ABCA13: variants seen among roughly 807,000 people sequenced by gnomAD.
The protein encoded by ABCA13 is ATP binding cassette subfamily A member 13.
A neutral mutation model predicts 478.7 loss-of-function variants in ABCA13; 476 were observed. The ratio of observed to expected loss-of-function variants is 0.99; its 90% CI spans 0.92 to 1.07. ABCA13 has a LOEUF of 1.07. Among genes scored for constraint, ABCA13 ranks in the 50% least tolerant of loss-of-function variants. The pLI, the probability that ABCA13 is intolerant of heterozygous loss-of-function variation, is 0.00. For synonymous variants in ABCA13, 2,252 were observed against 2,158.9 expected, an observed-to-expected ratio of 1.04 and a Z score of -1.20; for missense variants, 6,060 against 5,910.6, an observed-to-expected ratio of 1.03 and a Z score of -0.83.
intron 29 of ABCA13, among the ~76,000 whole-genome samples, chr7:48,345,490 T>C (rs566404796): frequency 6.8e-6 from 1 of 147,494 alleles, no homozygotes; most frequent in East Asian, 2.0e-4. Flanking sequence ...CCTAGGCTAA[T>C]GTGTGGTTTT....
intron 20 of ABCA13, among the ~76,000 whole-genome samples, chr7:48,291,781 C>A (rs1798571486): frequency 6.6e-6 from 1 of 152,178 alleles, no homozygotes. Context: ...ACAGCAGACA[C>A]CACTCCACCT....
intron 29 of ABCA13, among the ~76,000 whole-genome samples, chr7:48,345,659 T>C (rs1807962603): frequency 6.6e-6 from 1 of 152,112 alleles, no homozygotes; most frequent in African/African-American, 2.4e-5. Flanking sequence ...GGTCAAAAAG[T>C]CAAAAAATTA....
intron 55 of ABCA13, among the ~76,000 whole-genome samples, chr7:48,578,390 T>C (rs959434374): frequency 6.6e-5 from 10 of 152,164 alleles, no homozygotes; most frequent in African/African-American, 1.9e-4. Context: ...GGATACAACG[T>C]TAATATAGAA....
rs71552482 is a variant in ABCA13, at chr7:48,465,524, C to CTT, written c.12816-1418_12816-1417dup. 4.5e-3 allele frequency among the ~76,000 whole-genome samples: 600 copies of CTT among 134,452 alleles called. 3 individuals are homozygous for CTT. The highest frequency in any genetic ancestry group is 0.015 in the African/African-American group (534 of 36,706). 88.2% of individuals were successfully genotyped at this position (134,452 alleles called of 152,430 possible). A position where few individuals can be genotyped will look rare whatever the true frequency, so the allele number is the denominator to read the frequency against. The stretch of plus-strand genomic sequence containing the variant: ...CTGTGGTTGCTTACATTTCTTCTTT[C>CTT]TTTTTTTTTTTTTTTGCATTTTCTG... On this transcript the variant is annotated intron_variant, in intron 43 of 61. Coordinates refer to ENST00000435803, the MANE Select transcript of ABCA13 (RefSeq NM_152701.5).
At position 48,374,334 on chromosome 7, in the gene ABCA13, A is replaced by G. The variant is rs1365222376; in HGVS notation, c.11134-13A>G. 3 of 1,603,956 alleles carry G rather than the reference A, an allele frequency of 1.9e-6. No homozygotes were observed. Among genetic ancestry groups the G allele is most frequent in the Non-Finnish European group, 2.6e-6 (3 of 1,175,982 alleles). Reference sequence around the variant, plus strand: ...CACTAACGTGCAGTTTTTCTCCATCAATCTGTGGGCAGTGCCTTCTTTCGA... The same window carrying G: ...CACTAACGTGCAGTTTTTCTCCATCGATCTGTGGGCAGTGCCTTCTTTCGA... On this transcript the variant is annotated splice_polypyrimidine_tract_variant and intron_variant, in intron 33 of 61. Transcript: ENST00000435803.
At chr7:48,311,570 C>T (rs537328374) in intron 24 of ABCA13, among the ~76,000 whole-genome samples, 3 of 152,218 alleles carry the variant, frequency 2.0e-5, no homozygotes, top group African/African-American at 7.2e-5. Flanking sequence ...CTTGTAGAGG[C>T]CCACATAATT....
intron 23 of ABCA13, among the ~76,000 whole-genome samples, chr7:48,306,890 G>C (rs115738337): frequency 5.1e-4 from 77 of 152,322 alleles, no homozygotes; most frequent in African/African-American, 1.7e-3. Context: ...AGTAGACTTT[G>C]AGTAAAGAAG....
chr7:48,350,114 G>A (rs890212728), intron 29 of ABCA13, among the ~76,000 whole-genome samples: 11 of 152,332 alleles, frequency 7.2e-5, no homozygotes, highest in African/African-American at 2.6e-4. Flanking sequence ...TGTTTCGAAT[G>A]CACAGATCCA....
intron 34 of ABCA13, among the ~76,000 whole-genome samples, chr7:48,374,968 G>C (rs931593308): frequency 6.6e-5 from 10 of 152,178 alleles, no homozygotes; most frequent in African/African-American, 2.2e-4. Context: ...TATGTGAACT[G>C]TGCATGCAAA....
chr7:48,214,756 A>T (rs756549681), intron 3 of ABCA13, among the ~76,000 whole-genome samples: 1 of 152,140 alleles, frequency 6.6e-6, no homozygotes, highest in Non-Finnish European at 1.5e-5. Flanking sequence ...GAGAATTAGG[A>T]CCTTTCTCTG....
intron 55 of ABCA13, among the ~76,000 whole-genome samples, chr7:48,576,626 T>A (rs1001526006): frequency 6.6e-5 from 10 of 152,036 alleles, no homozygotes; most frequent in African/African-American, 2.2e-4. Context: ...CTCAACCAAC[T>A]CCTCACCACC....
At chr7:48,583,376 G>A (rs1375535343) in intron 56 of ABCA13, among the ~76,000 whole-genome samples, 1 of 152,092 alleles carries the variant, frequency 6.6e-6, no homozygotes, top group Non-Finnish European at 1.5e-5. Context: ...CCTACTTTAC[G>A]ACTCATTTTG....
intron 55 of ABCA13, among the ~76,000 whole-genome samples, chr7:48,556,806 A>G (rs1341434017): frequency 6.6e-6 from 1 of 151,924 alleles, no homozygotes; most frequent in African/African-American, 2.4e-5. Context: ...CTTACACTCA[A>G]TATTATTGAT....
At chr7:48,222,180 A>G (rs2128969470) in intron 5 of ABCA13, among the ~76,000 whole-genome samples, 1 of 152,300 alleles carries the variant, frequency 6.6e-6, no homozygotes, top group East Asian at 1.9e-4. Flanking sequence ...TTGAACAAAC[A>G]CTCATCTTAA....
intron 29 of ABCA13, among the ~76,000 whole-genome samples, chr7:48,345,966 T>C (rs1398212775): frequency 6.6e-6 from 1 of 152,220 alleles, no homozygotes; most frequent in Admixed American, 6.5e-5. Context: ...TAGATATGTT[T>C]AGATAAACAA....
chr7:48,593,727 A>ATT (rs35705013), intron 57 of ABCA13, among the ~76,000 whole-genome samples: 12 of 138,798 alleles, frequency 8.6e-5, no homozygotes, highest in African/African-American at 2.1e-4. Flanking sequence ...GTTTGGGAGC[A>ATT]TTTTTTTTTT....
chr7:48,330,477 A>ATCCG (rs1417055586), intron 27 of ABCA13, among the ~76,000 whole-genome samples: 4 of 128,510 alleles, frequency 3.1e-5, no homozygotes, highest in African/African-American at 5.9e-5. Flanking sequence ...CTGTTTGTCC[A>ATCCG]TCCATCCGTC....
intron 52 of ABCA13, among the ~76,000 whole-genome samples, chr7:48,519,411 A>C (rs953520362): frequency 1.3e-5 from 2 of 152,186 alleles, no homozygotes; most frequent in African/African-American, 4.8e-5. Flanking sequence ...AATAAGTCTG[A>C]ATATCTAGTG....
Position 48,274,136 on chromosome 7 carries a change from A to G in ABCA13, c.4470A>G (p.Leu1490=). 1 of 1,607,470 alleles carries G rather than the reference A, an allele frequency of 6.2e-7. No individual in the cohort carries two copies. The highest frequency in any genetic ancestry group is 1.1e-5 in the South Asian group (1 of 89,970). Residue 1490 remains leucine, a synonymous_variant, in exon 17 of 62, where the codon TTA becomes TTG. Coordinates refer to ENST00000435803, the MANE Select transcript of ABCA13 (RefSeq NM_152701.5). Reference sequence around the variant, plus strand: ...AGAAACCTAAATTTGAGATTTTATTAGCTCTTTTAAATGATTCCACAAAGC... The same window carrying G: ...AGAAACCTAAATTTGAGATTTTATTGGCTCTTTTAAATGATTCCACAAAGC... The part of the protein sequence containing the change: ...KEKKPKFEIL[L]ALLNDSTKQV...
Sources: allele counts gnomAD v4.1 joint callset (sites outside exome capture counted in the v4.1 genomes callset), GRCh38; gene constraint gnomAD v4.1.1; transcripts MANE v1.5; gene names NCBI Gene and HGNC (gene_info 2026-07-23, HGNC 2026-07-21).